The following CLSTN3 variants were observed in gnomAD, a reference collection of about 807,000 sequenced individuals.
CLSTN3 encodes the protein calsyntenin-3.
In CLSTN3, 36 loss-of-function variants were observed where a neutral mutation model predicts 95.9. The observed-to-expected ratio is 0.38, with a 90% CI of 0.29 to 0.50. CLSTN3 has a LOEUF of 0.50. CLSTN3 is among the 20% of genes least tolerant of loss of function. CLSTN3 has a pLI of 0.95. For synonymous variants in CLSTN3, 481 were observed against 504.0 expected (o/e 0.95, Z 0.61); for missense variants, 1,084 against 1,268.8 (o/e 0.85, Z 2.21).
rs1347494396 is a variant in CLSTN3 at position 7,130,717 on chromosome 12, G to GT, written c.64+6dup. ...CGTCCTGCTCCTGTAACAAAGGTGA[G>GT]TGAGGTGGGGGTGGGGGTACCGAAA... On this transcript the variant is annotated splice_donor_region_variant and intron_variant, in intron 1 of 17. Transcript: ENST00000266546. The GT allele has an allele frequency of 1.3e-6, 2 of 1,562,264 alleles. No homozygotes were observed. Among genetic ancestry groups the GT allele is most frequent in the African/African-American group, 2.7e-5 (2 of 73,762 alleles).
chr12:7,135,935 T>TG lies in CLSTN3; in HGVS notation c.725dup (p.Cys242TrpfsTer2), dbSNP rs1298561268. The TG allele has an allele frequency of 6.2e-7, 1 of 1,610,238 alleles. No homozygotes were observed. The highest frequency in any genetic ancestry group is 1.3e-5 in the African/African-American group (1 of 74,656). ...GGTGGAGATTCAGGTGAAGCCCACC[T>TG]GTAAACCCAGCTGGCAAGGTGAGAG... is the stretch of plus-strand genomic sequence containing the variant. On this transcript the variant is annotated frameshift_variant, in exon 5 of 18. Transcript: ENST00000266546. LOFTEE classifies it high-confidence loss of function.
intron 8 of CLSTN3, among the ~76,000 whole-genome samples, chr12:7,138,273 T>TA (rs1032125660): frequency 1.5e-4 from 22 of 147,968 alleles, no homozygotes; most frequent in African/African-American, 2.7e-4. Flanking sequence ...CTTCTGGATT[T>TA]AAAAAAAAAA....
Position 7,158,130 on chromosome 12 carries a change from A to G in CLSTN3, c.*49A>G. The G allele has an allele frequency of 6.9e-7, 1 of 1,455,430 alleles. No homozygotes were observed. The highest frequency in any genetic ancestry group is 9.1e-7 in the Non-Finnish European group (1 of 1,096,278). 90.2% of individuals were successfully genotyped at this position (1,455,430 alleles called of 1,614,324 possible). On this transcript the variant is annotated 3_prime_UTR_variant, in exon 18 of 18. Transcript: ENST00000266546. ...AGGGGGAATTCTGCCCTGGTGAAAC[A>G]GACACTCCAGACATGGGAGAAGGAC...
chr12:7,138,744 C>T (rs1466851752), intron 8 of CLSTN3: 1 of 146,968 alleles, frequency 6.8e-6, no homozygotes, highest in Non-Finnish European at 1.5e-5. Context: ...AGGCTGACCA[C>T]AAGGACCAGT....
At position 7,133,561 on chromosome 12, in the gene CLSTN3, C is replaced by A; in HGVS notation, c.188-12C>A. 1 of 1,613,674 alleles carries A rather than the reference C, an allele frequency of 6.2e-7. No individual in the cohort carries two copies. Among genetic ancestry groups the A allele is most frequent in the Non-Finnish European group, 8.5e-7 (1 of 1,179,866 alleles). On this transcript the variant is annotated splice_polypyrimidine_tract_variant and intron_variant, in intron 2 of 17. Coordinates refer to ENST00000266546, the MANE Select transcript of CLSTN3 (RefSeq NM_014718.4). The surrounding 1 kb of genome is among the most constrained non-coding windows in gnomAD (Gnocchi z 4.7). ...ACAGCAGCCTCACTCCTCCCCTTCT[C>A]CCCTTTGCCAGGTGAGATCTGCGGC... is the stretch of plus-strand genomic sequence containing the variant.
Position 7,137,795 on chromosome 12 carries a change from T to TGAGAGAGAGA in CLSTN3, c.1211-142_1211-133dup, listed in dbSNP as rs71067156. The stretch of plus-strand genomic sequence containing the variant: ...GTGTGTGTGTGTGTGTGTGTGTGTG[T>TGAGAGAGAGA]GAGAGAGAGAGAGAGAGAGAGAGAG... On this transcript the variant is annotated intron_variant, in intron 7 of 17. Transcript: ENST00000266546. This position sits in a 1 kb window ranked among gnomAD's most constrained non-coding sequence, Gnocchi z 4.4. Among the ~76,000 whole-genome samples the TGAGAGAGAGA allele has an allele frequency of 2.8e-5, 2 of 70,674 alleles. No individual in the cohort carries two copies. Among genetic ancestry groups the TGAGAGAGAGA allele is most frequent in the Middle Eastern group, 0.01 (1 of 98 alleles). The allele number at this position is 70,674 out of a possible 152,430, so 46.4% of individuals were successfully genotyped here.
rs1939710979 is a variant in CLSTN3 at position 7,150,842 on chromosome 12, G to A, written c.2392-86G>A. ...GGTGGAGGAGAAGGAGATGGGGGCA[G>A]TAGTTAGGAGATGGGGCTGGGGTCT... is the stretch of plus-strand genomic sequence containing the variant. On this transcript the variant is annotated intron_variant, in intron 15 of 17. Coordinates refer to ENST00000266546, the MANE Select transcript of CLSTN3 (RefSeq NM_014718.4). The surrounding 1 kb of genome is among the most constrained non-coding windows in gnomAD (Gnocchi z 4.0). The A allele has an allele frequency of 1.3e-6, 2 of 1,546,696 alleles. No homozygotes were observed. The highest frequency in any genetic ancestry group is 1.2e-5 in the South Asian group (1 of 81,200).
At position 7,157,966 on chromosome 12, in the gene CLSTN3, T is replaced by G. The variant is rs1356269514; in HGVS notation, c.2756T>G (p.Val919Gly). 3 of 1,551,192 alleles carry G rather than the reference T, an allele frequency of 1.9e-6. No individual in the cohort carries two copies. Among genetic ancestry groups the G allele is most frequent in the Non-Finnish European group, 2.6e-6 (3 of 1,146,924 alleles). ...TCCTACCAGAATCGGCAGTCCTGTG[T>G]GACGGGGGCTGTTGGGGGCCAGCAG... is the stretch of plus-strand genomic sequence containing the variant. ...MESYQNRQSCVTGAVGGQQED... is the reference protein window; with the variant it reads ...MESYQNRQSCGTGAVGGQQED... Residue 919 changes from valine to glycine, a missense_variant, in exon 18 of 18, where the codon GTG becomes GGG. Val to Gly is a moderately radical substitution (Grantham distance 109). Transcript: ENST00000266546. The surrounding 1 kb of genome is among the most constrained non-coding windows in gnomAD (Gnocchi z 5.9).
chr12:7,143,354 G>T (rs1173082029), intron 12 of CLSTN3, 43 bp downstream of exon 12: 3 of 1,581,472 alleles, frequency 1.9e-6, no homozygotes, highest in African/African-American at 1.3e-5. Flanking sequence ...AGCAGAGCCA[G>T]ACAGTGTCAC....
chr12:7,129,198 C>G (rs1215208389), upstream of CLSTN3: 1 of 250,680 alleles, frequency 4.0e-6, no homozygotes, highest in African/African-American at 2.2e-5. This position sits in a 1 kb window ranked among gnomAD's most constrained non-coding sequence, Gnocchi z 5.5. Flanking sequence ...GTCCCAGGGC[C>G]TGAGGGGCAG....
chr12:7,154,317 G>C (rs939923060), intron 16 of CLSTN3, among the ~76,000 whole-genome samples: 1 of 152,214 alleles, frequency 6.6e-6, no homozygotes, highest in African/African-American at 2.4e-5. Context: ...GAGGCCCATT[G>C]CTCTAAATCT....
At chr12:7,156,242 C>A (rs756734403) in intron 16 of CLSTN3, 13 of 456,284 alleles carry the variant, frequency 2.8e-5, no homozygotes, top group South Asian at 1.2e-4. Flanking sequence ...CGTAAGGGCC[C>A]TGGGCCTGGA....
At chr12:7,155,273 C>T (rs1298544509) in intron 16 of CLSTN3, among the ~76,000 whole-genome samples, 1 of 152,198 alleles carries the variant, frequency 6.6e-6, no homozygotes, top group East Asian at 1.9e-4. Flanking sequence ...CTCCCATCTC[C>T]CCGGGCTCCT....
At chr12:7,145,415 G>A (rs1054721389) in intron 12 of CLSTN3, among the ~76,000 whole-genome samples, 2 of 151,914 alleles carry the variant, frequency 1.3e-5, no homozygotes, top group Admixed American at 6.6e-5. Context: ...CAGGTACCTA[G>A]CAATACCTCC....
chr12:7,136,548 T>C (rs1196271917), intron 6 of CLSTN3, among the ~76,000 whole-genome samples, 157 bp downstream of exon 6: 1 of 152,210 alleles, frequency 6.6e-6, no homozygotes, highest in Non-Finnish European at 1.5e-5. Flanking sequence ...AAAAGGCAGG[T>C]ACATATGTCT....
Position 7,149,289 on chromosome 12 carries a change from A to G in CLSTN3, c.2074+91A>G. ...GAGAACTCCTGGGGCTGGAAGCAGAAAGCGACTCCATCCTGTGTTTGTTTG... is the reference window on the plus strand; with the variant it reads ...GAGAACTCCTGGGGCTGGAAGCAGAGAGCGACTCCATCCTGTGTTTGTTTG... On this transcript the variant is annotated intron_variant, in intron 13 of 17. Transcript: ENST00000266546. This position sits in a 1 kb window ranked among gnomAD's most constrained non-coding sequence, Gnocchi z 4.5. 1 of 1,141,906 alleles carries G rather than the reference A, an allele frequency of 8.8e-7. No individual in the cohort carries two copies. Among genetic ancestry groups the G allele is most frequent in the Non-Finnish European group, 1.3e-6 (1 of 778,626 alleles). 70.7% of individuals were successfully genotyped at this position (1,141,906 alleles called of 1,614,324 possible).
chr12:7,132,478 C>G (rs1939324427), intron 1 of CLSTN3: 1 of 212,248 alleles, frequency 4.7e-6, no homozygotes. Flanking sequence ...ATCCTGTGTT[C>G]TGGGAGAGTG....
At chr12:7,135,780 T>G (rs774688332) in intron 4 of CLSTN3, 24 bp from the exon 5 acceptor site, 2 of 1,583,956 alleles carry the variant, frequency 1.3e-6, no homozygotes, top group Admixed American at 3.6e-5. Flanking sequence ...GCTCTAATGC[T>G]CTGTCCTCCT....
chr12:7,132,975 G>T, intron 1 of CLSTN3, 49 bp from the exon 2 acceptor site: 4 of 1,611,144 alleles, frequency 2.5e-6, no homozygotes, highest in African/African-American at 1.3e-5. Context: ...TGTGGGAGTA[G>T]AGGCCCTGCT....
Sources: allele counts gnomAD v4.1 joint callset (sites outside exome capture counted in the v4.1 genomes callset), GRCh38; gene constraint gnomAD v4.1.1; non-coding constraint Gnocchi (gnomAD v3.1); transcripts MANE v1.5; gene names NCBI Gene and HGNC (gene_info 2026-07-23, HGNC 2026-07-21).